COL5A1: variants seen among roughly 807,000 people sequenced by gnomAD.
COL5A1 encodes the protein collagen alpha-1(V) chain.
In COL5A1, 16 loss-of-function variants were observed where a neutral mutation model predicts 263.7. The ratio of observed to expected loss-of-function variants is 0.06; its 90% CI spans 0.04 to 0.09. The LOEUF (loss-of-function observed/expected upper bound fraction) is 0.09, where lower values mean the gene tolerates loss of function less well. COL5A1 is among the 10% of genes least tolerant of loss of function. The pLI, the probability that COL5A1 is intolerant of heterozygous loss-of-function variation, is 1.00. For synonymous variants in COL5A1, 1,012 were observed against 1,004.5 expected (o/e 1.01, Z -0.14); for missense variants, 2,036 against 2,540.5 (o/e 0.80, Z 4.27).
At chr9:134,808,645 C>A (rs1407052556) in intron 42 of COL5A1, among the ~76,000 whole-genome samples, 1 of 152,196 alleles carries the variant, frequency 6.6e-6, no homozygotes, top group Non-Finnish European at 1.5e-5. Flanking sequence ...TGCATGCATG[C>A]ATACCTGTGT....
chr9:134,649,298 C>T (rs1831587259), intron 1 of COL5A1: 1 of 340,790 alleles, frequency 2.9e-6, no homozygotes, highest in African/African-American at 2.2e-5. Context: ...CTGGAGGAAT[C>T]TCAAACTAGG....
rs1564466171 is a variant in COL5A1 at position 134,798,440 on chromosome 9, C to A, written c.2931C>A (p.His977Gln). ...CAGGCAAGGATGGACTCCCAGGACACCCTGGACAGAGAGGCGAGACTGTGA... is the reference window on the plus strand; with the variant it reads ...CAGGCAAGGATGGACTCCCAGGACAACCTGGACAGAGAGGCGAGACTGTGA... Reference protein sequence around the residue: ...GPPGKDGLPGHPGQRGETGFQ... With the variant: ...GPPGKDGLPGQPGQRGETGFQ... Residue 977 changes from histidine (H) to glutamine (Q), a missense_variant, in exon 37 of 66, where the codon CAC becomes CAA. His to Gln is a conservative substitution (Grantham distance 24). This residue lies in a region of COL5A1 where 1,078 missense variants were observed against 1,521.4 expected (regional missense o/e 0.71). Transcript: ENST00000371817. The A allele has an allele frequency of 6.2e-7, 1 of 1,614,122 alleles. No individual in the cohort carries two copies. Among genetic ancestry groups the A allele is most frequent in the South Asian group, 1.1e-5 (1 of 91,078 alleles).
chr9:134,808,871 T>G, intron 42 of COL5A1: 1 of 441,950 alleles, frequency 2.3e-6, no homozygotes, highest in Non-Finnish European at 4.2e-6. Flanking sequence ...GGCTCAAGAA[T>G]TTGGCCGGCT....
chr9:134,654,675 GGTGTGTAGAGCTGGT>G (rs1831870963), intron 1 of COL5A1, among the ~76,000 whole-genome samples: 2 of 133,726 alleles, frequency 1.5e-5, no homozygotes, highest in Non-Finnish European at 3.2e-5. Context: ...TAGGGCTGTA[GGTGTGTAGAGCTGGT>G]GTGTGTAGGG....
intron 4 of COL5A1, among the ~76,000 whole-genome samples, chr9:134,722,072 A>G (rs1191875271): frequency 6.6e-6 from 1 of 152,230 alleles, no homozygotes; most frequent in Non-Finnish European, 1.5e-5. Flanking sequence ...GCCCTTTGGC[A>G]GTGGTGCCCG....
intron 32 of COL5A1, among the ~76,000 whole-genome samples, chr9:134,793,680 G>C (rs1321576294): frequency 1.3e-5 from 2 of 151,914 alleles, no homozygotes; most frequent in Non-Finnish European, 2.9e-5. Flanking sequence ...AAATCTGGCA[G>C]CCCGGGCTCA....
intron 34 of COL5A1, 95 bp downstream of exon 34, chr9:134,795,410 AT>A: frequency 1.1e-6 from 1 of 944,186 alleles, no homozygotes; most frequent in Non-Finnish European, 1.5e-6. Flanking sequence ...GACCTTTTTT[AT>A]TAAAAAAAAA....
intron 42 of COL5A1, among the ~76,000 whole-genome samples, chr9:134,807,836 G>C (rs1233010108): frequency 1.3e-5 from 2 of 152,220 alleles, no homozygotes; most frequent in Non-Finnish European, 2.9e-5. Flanking sequence ...TCAGTGTATA[G>C]AGTGCACACA....
intron 9 of COL5A1, among the ~76,000 whole-genome samples, chr9:134,734,393 C>A (rs1172438748): frequency 3.3e-5 from 5 of 152,258 alleles, no homozygotes; most frequent in Admixed American, 3.3e-4. Flanking sequence ...CTCCAAGTGT[C>A]CTGGGGCCTT....
Position 134,741,941 on chromosome 9 carries a change from A to G in COL5A1, c.1494+3133A>G, listed in dbSNP as rs1835318600. ...CTCACTGGATGGTGAGTTCCTCAAGACAGGCCTCACTTCTGTGCCCTTCCT... is the reference window on the plus strand; with the variant it reads ...CTCACTGGATGGTGAGTTCCTCAAGGCAGGCCTCACTTCTGTGCCCTTCCT... On this transcript the variant is annotated intron_variant, in intron 11 of 65. Transcript: ENST00000371817. The surrounding 1 kb of genome is among the most constrained non-coding windows in gnomAD (Gnocchi z 4.5). Among the ~76,000 whole-genome samples, 1 of 151,616 alleles carries G rather than the reference A, an allele frequency of 6.6e-6. No homozygotes were observed. Among genetic ancestry groups the G allele is most frequent in the South Asian group, 2.1e-4 (1 of 4,766 alleles).
chr9:134,746,902 G>A (rs529377162), intron 11 of COL5A1, among the ~76,000 whole-genome samples: 32 of 152,206 alleles, frequency 2.1e-4, no homozygotes, highest in Non-Finnish European at 7.3e-5. Context: ...CTGCCTTGTC[G>A]CAGACAACAG....
At chr9:134,782,773 C>A in intron 29 of COL5A1, 53 bp downstream of exon 29, 4 of 777,494 alleles carry the variant, frequency 5.1e-6, no homozygotes, top group African/African-American at 1.8e-5. Context: ...TGGGCTTGGC[C>A]GTGTGGGAGG....
rs1357211069 is a variant in COL5A1, at chr9:134,696,901, C to T, written c.278-3008C>T. On this transcript the variant is annotated intron_variant, in intron 2 of 65. Coordinates refer to ENST00000371817, the MANE Select transcript of COL5A1 (RefSeq NM_000093.5). This position sits in a 1 kb window ranked among gnomAD's most constrained non-coding sequence, Gnocchi z 4.3. The stretch of plus-strand genomic sequence containing the variant: ...CTGGCTAACACGGTGAAACCCCATC[C>T]CTACTAAAAATACAAAAAAATTAGC... Among the ~76,000 whole-genome samples, 1 of 151,816 alleles carries T rather than the reference C, an allele frequency of 6.6e-6. No individual in the cohort carries two copies. The highest frequency in any genetic ancestry group is 1.5e-5 in the Non-Finnish European group (1 of 67,960).
chr9:134,648,437 G>A (rs1344713969), intron 1 of COL5A1, among the ~76,000 whole-genome samples: 3 of 152,010 alleles, frequency 2.0e-5, no homozygotes, highest in Non-Finnish European at 4.4e-5. Context: ...TAGGGACCAG[G>A]GTGGCCTGCT....
In COL5A1 at chr9:134,755,165, C is replaced by G. The variant is rs1835923529; in HGVS notation, c.1827+839C>G. 6.6e-6 allele frequency among the ~76,000 whole-genome samples: 1 copy of G among 152,198 alleles called. No individual in the cohort carries two copies. Among genetic ancestry groups the G allele is most frequent in the Non-Finnish European group, 1.5e-5 (1 of 68,042 alleles). ...TCTATGCAGGGATCTGGGCATGAAA[C>G]AGAGGCCTGGGCTGGATAATTCCAG... is the stretch of plus-strand genomic sequence containing the variant. On this transcript the variant is annotated intron_variant, in intron 16 of 65. Coordinates refer to ENST00000371817, the MANE Select transcript of COL5A1 (RefSeq NM_000093.5). The surrounding 1 kb of genome is among the most constrained non-coding windows in gnomAD (Gnocchi z 4.1).
intron 25 of COL5A1, among the ~76,000 whole-genome samples, chr9:134,771,230 C>G (rs1342065817): frequency 1.3e-5 from 2 of 152,256 alleles, no homozygotes; most frequent in East Asian, 1.9e-4. Flanking sequence ...GATCCACCCA[C>G]TAGGTCCTTC....
rs1256610611 is a variant in COL5A1, at chr9:134,652,457, C to T, written c.109+10161C>T. On this transcript the variant is annotated intron_variant, in intron 1 of 65. Coordinates refer to ENST00000371817, the MANE Select transcript of COL5A1 (RefSeq NM_000093.5). The surrounding 1 kb of genome is among the most constrained non-coding windows in gnomAD (Gnocchi z 4.4). The stretch of plus-strand genomic sequence containing the variant: ...AGGGATGCCAGTGTCATCCTCCTGC[C>T]CCTGAAACAGGTGGACATCATGGCT... 6.6e-6 allele frequency among the ~76,000 whole-genome samples: 1 copy of T among 152,126 alleles called. No individual in the cohort carries two copies. Among genetic ancestry groups the T allele is most frequent in the African/African-American group, 2.4e-5 (1 of 41,432 alleles).
Position 134,651,039 on chromosome 9 carries a change from G to A in COL5A1, c.109+8743G>A, listed in dbSNP as rs145356213. 3.2e-3 allele frequency among the ~76,000 whole-genome samples: 495 copies of A among 152,342 alleles called. 1 individual carries two copies. Among genetic ancestry groups the A allele is most frequent in the Admixed American group, 5.6e-3 (86 of 15,306 alleles). On this transcript the variant is annotated intron_variant, in intron 1 of 65. Coordinates refer to ENST00000371817, the MANE Select transcript of COL5A1 (RefSeq NM_000093.5). Reference sequence around the variant, plus strand: ...ATTCTCAAGGCCAGGTGAGGGCGGCGTGGCTCCGCTCCCTCCTGTTTGTTT... The same window carrying A: ...ATTCTCAAGGCCAGGTGAGGGCGGCATGGCTCCGCTCCCTCCTGTTTGTTT...
chr9:134,684,063 G>A lies in COL5A1; in HGVS notation c.110-6849G>A, dbSNP rs151207128. On this transcript the variant is annotated intron_variant, in intron 1 of 65. Transcript: ENST00000371817. ...CCCGAAAGCAGCGGACTTCTGCAGC[G>A]TTTCTGTTGTTGGTGGAGAAGCGTT... is the stretch of plus-strand genomic sequence containing the variant. Among the ~76,000 whole-genome samples the A allele has an allele frequency of 3.0e-4, 46 of 152,332 alleles. 1 individual carries two copies. In the South Asian group the frequency reaches 3.7e-3, roughly 12 times the overall value.
Sources: gnomAD v4.1 joint callset for allele counts (sites outside exome capture counted in the v4.1 genomes callset) on GRCh38, gnomAD v4.1.1 for gene constraint, gnomAD v4.1.1 regional missense constraint, Gnocchi (gnomAD v3.1) non-coding constraint, MANE v1.5 for transcripts, NCBI Gene and HGNC (gene_info 2026-07-23, HGNC 2026-07-21) for gene names.